Variants in PEMT observed in about 807,000 individuals in gnomAD.
PEMT encodes phospholipid methyltransferase.
Under a neutral mutation model 27.4 loss-of-function variants are expected in PEMT, and 23 were observed. The observed-to-expected ratio is 0.84, with a 90% CI of 0.60 to 1.19. PEMT has a LOEUF of 1.19. Ranked by LOEUF, PEMT falls within the 50% of genes most tolerant of loss-of-function variation. The pLI is 0.00. For synonymous variants in PEMT, 137 were observed against 139.1 expected (o/e 0.98, Z 0.11); for missense variants, 307 against 310.1 (o/e 0.99, Z 0.07).
In PEMT at chr17:17,591,595, A is replaced by G. The variant is rs7215880; in HGVS notation, c.32T>C (p.Val11Ala). 2.4e-3 allele frequency: 3,924 copies of G among 1,613,232 alleles called. 85 individuals carry two copies. In the African/African-American group the frequency reaches 0.046, roughly 19 times the overall value. The change falls in exon 1 of 7, where the codon GTA becomes GCA. Residue 11 changes from valine to alanine, a missense_variant. Val to Ala is a moderately conservative substitution (Grantham distance 64). Coordinates refer to ENST00000255389, the MANE Select transcript of PEMT (RefSeq NM_148172.3). MKRSGNPGAEVTNSSVAGPDC... is the reference protein window; with the variant it reads MKRSGNPGAEATNSSVAGPDC... ...AGGCCCTGCCACCGAGCTGTTCGTTACCTCGGCTCCCGGGTTCCCAGATCT... is the reference window on the plus strand; with the variant it reads ...AGGCCCTGCCACCGAGCTGTTCGTTGCCTCGGCTCCCGGGTTCCCAGATCT...
intron 5 of PEMT, among the ~76,000 whole-genome samples, 182 bp downstream of exon 5, chr17:17,509,252 G>A (rs1906152074): frequency 6.6e-6 from 1 of 152,250 alleles, no homozygotes; most frequent in African/African-American, 2.4e-5. Flanking sequence ...CTGGGATGTT[G>A]TTTCTGTTAC....
chr17:17,506,016 C>T (rs139498493), intron 6 of PEMT, among the ~76,000 whole-genome samples, 168 bp from the exon 7 acceptor site: 115 of 152,210 alleles, frequency 7.6e-4, no homozygotes, highest in African/African-American at 2.6e-3. Context: ...AGAGCGCAGG[C>T]GGGAGAGGGG....
At chr17:17,507,143 G>A (rs1251932506) in intron 5 of PEMT, 15 of 1,555,584 alleles carry the variant, frequency 9.6e-6, no homozygotes, top group Non-Finnish European at 1.1e-5. Flanking sequence ...CCGTCAAGCT[G>A]TCCCCCAATC....
rs1469351734 is a variant in PEMT, at chr17:17,512,842, AGG to A, written c.321-190_321-189del. Among the ~76,000 whole-genome samples, 1 of 152,112 alleles carries A rather than the reference AGG, an allele frequency of 6.6e-6. No homozygotes were observed. The highest frequency in any genetic ancestry group is 1.5e-5 in the Non-Finnish European group (1 of 68,010). On this transcript the variant is annotated intron_variant, in intron 3 of 6. Coordinates refer to ENST00000255389, the MANE Select transcript of PEMT (RefSeq NM_148172.3). The surrounding 1 kb of genome is among the most constrained non-coding windows in gnomAD (Gnocchi z 6.3). ...TGGGAGGTGGGTGACAGTAACAGGG[AGG>A]GGCCCAGGCCTGTCAGATTTTTAAA...
At chr17:17,538,949 C>CATT (rs1419896871) in intron 2 of PEMT, among the ~76,000 whole-genome samples, 20 of 152,222 alleles carry the variant, frequency 1.3e-4, no homozygotes, top group Admixed American at 6.5e-4. Context: ...GGGCGAGAGA[C>CATT]ATTATCACCA....
intron 1 of PEMT, among the ~76,000 whole-genome samples, chr17:17,581,120 C>T (rs562626442): frequency 6.6e-6 from 1 of 152,314 alleles, no homozygotes; most frequent in African/African-American, 2.4e-5. Flanking sequence ...GGCGCCCCTT[C>T]AACTCTACAG....
At chr17:17,505,939 G>A in intron 6 of PEMT, 91 bp from the exon 7 acceptor site, 1 of 1,465,544 alleles carries the variant, frequency 6.8e-7, no homozygotes, top group African/African-American at 1.4e-5. Flanking sequence ...GCTTGAGGGT[G>A]TCCAGATGGG....
chr17:17,543,848 CCA>C (rs1375683023), intron 2 of PEMT, among the ~76,000 whole-genome samples: 37 of 152,364 alleles, frequency 2.4e-4, no homozygotes, highest in Admixed American at 4.6e-4. Context: ...CGGGCGTGAG[CCA>C]CGGCGCCCAG....
intron 2 of PEMT, among the ~76,000 whole-genome samples, chr17:17,534,560 G>A (rs955653034): frequency 6.6e-6 from 1 of 152,212 alleles, no homozygotes; most frequent in Non-Finnish European, 1.5e-5. Context: ...AGGGCACAGC[G>A]GCTCTTGCCT....
chr17:17,526,064 C>T (rs1907639331), intron 2 of PEMT, among the ~76,000 whole-genome samples: 1 of 152,178 alleles, frequency 6.6e-6, no homozygotes, highest in Admixed American at 6.5e-5. Flanking sequence ...AATCCTAAAA[C>T]AGTCTGTGCT....
At chr17:17,548,453 C>T (rs915637486) in intron 2 of PEMT, among the ~76,000 whole-genome samples, 1 of 152,228 alleles carries the variant, frequency 6.6e-6, no homozygotes, top group Non-Finnish European at 1.5e-5. Flanking sequence ...ATCATGTCAC[C>T]TGGGCCCTTG....
In PEMT at chr17:17,576,958, C is replaced by G; in HGVS notation, c.166G>C (p.Val56Leu). ...AGCGGATTGAAGGTGATGGTGATGA[C>G]GGCAGCCACAAAGCTGGGATCCAGG... ...DPLDPSFVAA[V>L]ITITFNPLYW... is the part of the protein sequence containing the mutation. Residue 56 changes from valine to leucine, a missense_variant, in exon 2 of 7, where the codon GTC (valine) becomes CTC (leucine). Transcript: ENST00000255389. 5.0e-6 allele frequency: 8 copies of G among 1,613,938 alleles called. No individual in the cohort carries two copies. Among genetic ancestry groups the G allele is most frequent in the Non-Finnish European group, 6.8e-6 (8 of 1,179,940 alleles).
intron 1 of PEMT, among the ~76,000 whole-genome samples, chr17:17,586,335 A>ACC: frequency 6.6e-6 from 1 of 151,658 alleles, no homozygotes; most frequent in Non-Finnish European, 1.5e-5. Flanking sequence ...AGCTGACCTG[A>ACC]GCAGCGCCAT....
intron 3 of PEMT, among the ~76,000 whole-genome samples, chr17:17,521,425 G>A (rs1449801535): frequency 6.6e-6 from 1 of 152,194 alleles, no homozygotes; most frequent in Admixed American, 6.5e-5. Flanking sequence ...CTAGCCTGGT[G>A]TCTGGGCAGA....
chr17:17,519,550 G>C lies in PEMT; in HGVS notation c.320+2730C>G, dbSNP rs559358084. On this transcript the variant is annotated intron_variant, in intron 3 of 6. Coordinates refer to ENST00000255389, the MANE Select transcript of PEMT (RefSeq NM_148172.3). ...AGTGCTTTGCTGCTGTCTACGGCTG[G>C]AACTGGGCTGTGGGTGGGCCTGTCC... is the stretch of plus-strand genomic sequence containing the variant. Among the ~76,000 whole-genome samples the C allele has an allele frequency of 1.1e-4, 17 of 152,280 alleles. No homozygotes were observed. The East Asian group carries it at 3.3e-3, about 29-fold the overall frequency.
intron 5 of PEMT, chr17:17,507,021 T>A: frequency 1.4e-6 from 1 of 737,336 alleles, no homozygotes. Context: ...CGCCAGGGGC[T>A]CTTTGCTGGT....
chr17:17,509,053 G>A (rs369919413), intron 5 of PEMT, among the ~76,000 whole-genome samples: 3 of 152,280 alleles, frequency 2.0e-5, no homozygotes, highest in Non-Finnish European at 2.9e-5. Flanking sequence ...TTCATGACAC[G>A]TGAAAAGAAT....
chr17:17,562,524 C>A (rs1402784604), intron 2 of PEMT, among the ~76,000 whole-genome samples: 3 of 152,234 alleles, frequency 2.0e-5, no homozygotes, highest in Non-Finnish European at 4.4e-5. Flanking sequence ...CAGACAATTG[C>A]CCCTGGCCGG....
At chr17:17,577,169 G>C (rs1911658915) in intron 1 of PEMT, 142 bp from the exon 2 acceptor site, 1 of 657,270 alleles carries the variant, frequency 1.5e-6, no homozygotes, top group African/African-American at 1.8e-5. Flanking sequence ...CTACAGTGTA[G>C]TCTCATAAAA....
Sources: gnomAD v4.1 joint callset for allele counts (sites outside exome capture counted in the v4.1 genomes callset) on GRCh38, gnomAD v4.1.1 for gene constraint, Gnocchi (gnomAD v3.1) non-coding constraint, MANE v1.5 for transcripts, NCBI Gene and HGNC (gene_info 2026-07-23, HGNC 2026-07-21) for gene names.